CRB1: variants seen among roughly 807,000 people sequenced by gnomAD.
CRB1 encodes protein crumbs homolog 1.
In CRB1, 83 loss-of-function variants were observed where a neutral mutation model predicts 120.0. That is an observed-to-expected ratio of 0.69 (90% confidence interval 0.58 to 0.83). The LOEUF (loss-of-function observed/expected upper bound fraction) is 0.83. CRB1 is among the 40% of genes least tolerant of loss of function. The pLI is 0.00. For synonymous variants in CRB1, 625 were observed against 612.5 expected (o/e 1.02, Z -0.30); for missense variants, 1,699 against 1,687.6 (o/e 1.01, Z -0.12).
chr1:197,333,573 G>T (rs761275024), intron 2 of CRB1, among the ~76,000 whole-genome samples: 16 of 152,176 alleles, frequency 1.1e-4, no homozygotes, highest in Non-Finnish European at 2.4e-4. Flanking sequence ...AATCAATGTA[G>T]AAAAATATCT....
intron 2 of CRB1, among the ~76,000 whole-genome samples, chr1:197,340,563 C>A (rs1659393840): frequency 6.6e-6 from 1 of 152,046 alleles, no homozygotes; most frequent in African/African-American, 2.4e-5. Flanking sequence ...GCAGATGAGA[C>A]ATGATGAGGG....
At chr1:197,458,965 G>T (rs1666406473) in intron 11 of CRB1, among the ~76,000 whole-genome samples, 1 of 152,076 alleles carries the variant, frequency 6.6e-6, no homozygotes, top group Admixed American at 6.6e-5. Flanking sequence ...GGAAATTAAA[G>T]TAGGCCATGA....
the CRB1 span, among the ~76,000 whole-genome samples, chr1:197,221,967 G>T: frequency 6.6e-6 from 1 of 151,956 alleles, no homozygotes; most frequent in African/African-American, 2.4e-5. Context: ...CAAAATCTTT[G>T]CTCACAGGAA....
chr1:197,472,206 C>T (rs1667012200), intron 11 of CRB1, among the ~76,000 whole-genome samples: 1 of 152,184 alleles, frequency 6.6e-6, no homozygotes, highest in Non-Finnish European at 1.5e-5. Context: ...AACATTTTAA[C>T]TTTCCATCTT....
chr1:197,202,797 A>G, the CRB1 span, among the ~76,000 whole-genome samples: 1 of 152,212 alleles, frequency 6.6e-6, no homozygotes, highest in South Asian at 2.1e-4. Flanking sequence ...AGTTTTACCC[A>G]ACTCTTCAAA....
At chr1:197,338,212 G>GTA (rs1659263859) in intron 2 of CRB1, among the ~76,000 whole-genome samples, 1 of 152,014 alleles carries the variant, frequency 6.6e-6, no homozygotes, top group Non-Finnish European at 1.5e-5. Context: ...AAGTGTGGGT[G>GTA]TATATATATG....
chr1:197,453,304 T>C (rs958534984), intron 11 of CRB1, among the ~76,000 whole-genome samples: 3 of 18,240 alleles, frequency 1.6e-4, no homozygotes, highest in African/African-American at 1.8e-4. Flanking sequence ...AGTATATAAG[T>C]ATATATATTT....
intron 2 of CRB1, among the ~76,000 whole-genome samples, chr1:197,335,341 T>A (rs878925396): frequency 2.6e-5 from 4 of 152,200 alleles, no homozygotes; most frequent in Admixed American, 2.6e-4. Context: ...ACTTACATTT[T>A]AACAAGGTCA....
intron 5 of CRB1, among the ~76,000 whole-genome samples, chr1:197,358,559 G>T (rs1181475441): frequency 6.6e-6 from 1 of 152,210 alleles, no homozygotes; most frequent in Non-Finnish European, 1.5e-5. Context: ...TAATGCAATG[G>T]TTTATGTTTT....
chr1:197,327,549 A>T (rs1658588173), intron 1 of CRB1, among the ~76,000 whole-genome samples: 1 of 152,190 alleles, frequency 6.6e-6, no homozygotes, highest in African/African-American at 2.4e-5. Context: ...ACACACACAC[A>T]CAAGAAATAT....
Position 197,370,359 on chromosome 1 carries a change from A to G in CRB1, c.1171+13346A>G, listed in dbSNP as rs145267287. On this transcript the variant is annotated intron_variant, in intron 5 of 11. Coordinates refer to ENST00000367400, the MANE Select transcript of CRB1 (RefSeq NM_201253.3). ...AGATATTTACAGAACGTTCTACCCAACAACTGCAGAATATACATTCTACTC... is the reference window on the plus strand; with the variant it reads ...AGATATTTACAGAACGTTCTACCCAGCAACTGCAGAATATACATTCTACTC... Among the ~76,000 whole-genome samples the G allele has an allele frequency of 5.2e-4, 79 of 152,298 alleles. No individual in the cohort carries two copies. In the East Asian group the frequency reaches 0.011, roughly 21 times the overall value.
At chr1:197,288,433 G>A (rs956673313) in intron 1 of CRB1, among the ~76,000 whole-genome samples, 3 of 151,776 alleles carry the variant, frequency 2.0e-5, no homozygotes, top group Admixed American at 1.3e-4. Context: ...GAACCAAACT[G>A]TTTCTAAAAA....
At chr1:197,235,574 G>T in the CRB1 span, among the ~76,000 whole-genome samples, 1 of 152,160 alleles carries the variant, frequency 6.6e-6, no homozygotes, top group African/African-American at 2.4e-5. Flanking sequence ...AGTCATATGA[G>T]TGAGACTATC....
chr1:197,447,339 A>C (rs1239103915), intron 11 of CRB1: 1 of 152,262 alleles, frequency 6.6e-6, no homozygotes, highest in Non-Finnish European at 1.5e-5. Context: ...AAGCCAAAAA[A>C]GGAGGGAGAG....
chr1:197,387,237 T>C (rs1470841982), intron 5 of CRB1, among the ~76,000 whole-genome samples: 1 of 152,004 alleles, frequency 6.6e-6, no homozygotes, highest in Non-Finnish European at 1.5e-5. Flanking sequence ...GGAAATATAA[T>C]CTTTAAAGCA....
chr1:197,243,582 TTTAC>T, the CRB1 span, among the ~76,000 whole-genome samples: 1 of 152,152 alleles, frequency 6.6e-6, no homozygotes, highest in South Asian at 2.1e-4. Flanking sequence ...TGAGGAGTGT[TTTAC>T]TTCCAATTAT....
At chr1:197,432,384 ACACACACAC>A in intron 8 of CRB1, among the ~76,000 whole-genome samples, 1 of 151,372 alleles carries the variant, frequency 6.6e-6, no homozygotes, top group Non-Finnish European at 1.5e-5. Flanking sequence ...ACACACACAC[ACACACACAC>A]ACACACACAC....
At chr1:197,346,838 G>T (rs189071139) in intron 3 of CRB1, among the ~76,000 whole-genome samples, 1 of 152,204 alleles carries the variant, frequency 6.6e-6, no homozygotes, top group East Asian at 1.9e-4. Flanking sequence ...ATTTAATAAA[G>T]GCTTTTCCTG....
intron 11 of CRB1, among the ~76,000 whole-genome samples, chr1:197,458,053 T>C (rs1005307753): frequency 6.6e-6 from 1 of 152,064 alleles, no homozygotes; most frequent in African/African-American, 2.4e-5. Flanking sequence ...AAAACAACCA[T>C]TAAAGCCATA....
Sources: allele counts gnomAD v4.1 joint callset (sites outside exome capture counted in the v4.1 genomes callset), GRCh38; gene constraint gnomAD v4.1.1; transcripts MANE v1.5; gene names NCBI Gene and HGNC (gene_info 2026-07-23, HGNC 2026-07-21).